ANKS1B: variants seen among roughly 807,000 people sequenced by gnomAD.
ANKS1B encodes the protein ankyrin repeat and sterile alpha motif domain containing 1B.
ANKS1B carries 36 observed loss-of-function variants against 148.3 expected under a neutral mutation model. The observed-to-expected ratio is 0.24, with a 90% CI of 0.19 to 0.32. ANKS1B has a LOEUF of 0.32. ANKS1B is among the 10% of genes least tolerant of loss of function. The pLI, the probability that ANKS1B is intolerant of heterozygous loss-of-function variation, is 1.00. For missense variants in ANKS1B, 1,157 were observed against 1,542.6 expected, an observed-to-expected ratio of 0.75 and a Z score of 4.19; for synonymous variants, 542 against 560.8, an observed-to-expected ratio of 0.97 and a Z score of 0.47.
chr12:99,921,030 C>A (rs1434741893), intron 1 of ANKS1B, among the ~76,000 whole-genome samples: 2 of 152,208 alleles, frequency 1.3e-5, no homozygotes, highest in Non-Finnish European at 2.9e-5. Context: ...ATCCTCTACA[C>A]AAATTTGGCT....
At chr12:99,514,338 A>G (rs2096794978) in intron 9 of ANKS1B, among the ~76,000 whole-genome samples, 1 of 152,084 alleles carries the variant, frequency 6.6e-6, no homozygotes, top group South Asian at 2.1e-4. Flanking sequence ...GTACGTATTT[A>G]ATAAACATTT....
chr12:99,684,532 TGTAAA>T (rs2098638931), intron 8 of ANKS1B, among the ~76,000 whole-genome samples: 1 of 151,768 alleles, frequency 6.6e-6, no homozygotes, highest in Non-Finnish European at 1.5e-5. Flanking sequence ...GTATCAATAT[TGTAAA>T]AATGACAAAT....
intron 10 of ANKS1B, among the ~76,000 whole-genome samples, chr12:99,466,496 A>G (rs1370494909): frequency 1.3e-5 from 2 of 151,898 alleles, no homozygotes; most frequent in Non-Finnish European, 2.9e-5. Context: ...TAATAAATCC[A>G]GGAGCTGGTT....
At chr12:99,075,744 T>C (rs946862100) in intron 16 of ANKS1B, among the ~76,000 whole-genome samples, 2 of 150,202 alleles carry the variant, frequency 1.3e-5, no homozygotes, top group African/African-American at 4.9e-5. Context: ...ATTTGTCTAT[T>C]GTATATAATT....
chr12:99,436,638 C>A (rs1594779049), intron 11 of ANKS1B, among the ~76,000 whole-genome samples: 1 of 152,048 alleles, frequency 6.6e-6, no homozygotes, highest in South Asian at 2.1e-4. Context: ...TTTTTTGTAA[C>A]CCCAGTTCTA....
At chr12:99,217,845 C>A (rs1362600367) in intron 14 of ANKS1B, among the ~76,000 whole-genome samples, 2 of 152,092 alleles carry the variant, frequency 1.3e-5, no homozygotes, top group Admixed American at 6.6e-5. Flanking sequence ...TGTATTATTC[C>A]CCTTATACAG....
At chr12:99,865,197 T>A (rs1603393964) in intron 1 of ANKS1B, among the ~76,000 whole-genome samples, 1 of 152,342 alleles carries the variant, frequency 6.6e-6, no homozygotes, top group East Asian at 1.9e-4. Flanking sequence ...CCAACTGAAA[T>A]ATGTTTTCCA....
Position 99,806,443 on chromosome 12 carries a change from C to T in ANKS1B, c.630G>A (p.Val210=). 1 of 1,613,982 alleles carries T rather than the reference C, an allele frequency of 6.2e-7. No individual in the cohort carries two copies. ...CCATTCCTGCCTCCAGCAGCACCTG[C>T]ACGACTGCTTTGTGGCCATTGCGCG... The part of the protein sequence containing the change: ...LAARNGHKAV[V]QVLLEAGMDV... The change falls in exon 4 of 27, where the codon GTG becomes GTA. Residue 210 remains valine (V), a synonymous_variant. Transcript: ENST00000683438.
At chr12:99,979,078 T>G (rs562841489) in intron 1 of ANKS1B, among the ~76,000 whole-genome samples, 1 of 152,176 alleles carries the variant, frequency 6.6e-6, no homozygotes, top group Non-Finnish European at 1.5e-5. Context: ...AGAGAGGTTT[T>G]TTTTTAAGAT....
intron 16 of ANKS1B, among the ~76,000 whole-genome samples, chr12:99,068,806 C>G (rs2045372110): frequency 6.6e-6 from 1 of 151,960 alleles, no homozygotes; most frequent in South Asian, 2.1e-4. Flanking sequence ...CTAGCAGGCA[C>G]AGGCAGCATC....
intron 14 of ANKS1B, among the ~76,000 whole-genome samples, chr12:99,174,976 T>C (rs1184982174): frequency 6.6e-6 from 1 of 152,174 alleles, no homozygotes; most frequent in Non-Finnish European, 1.5e-5. Context: ...AATGAAGGAA[T>C]TCTCTACTTC....
chr12:99,032,474 C>T (rs940007784), intron 17 of ANKS1B, among the ~76,000 whole-genome samples: 1 of 152,164 alleles, frequency 6.6e-6, no homozygotes, highest in African/African-American at 2.4e-5. Context: ...CGCCAATCTT[C>T]GTCTTGTCTT....
intron 1 of ANKS1B, among the ~76,000 whole-genome samples, chr12:99,928,944 A>G (rs1209089656): frequency 6.6e-6 from 1 of 152,170 alleles, no homozygotes; most frequent in Non-Finnish European, 1.5e-5. Flanking sequence ...GGAACTAGGG[A>G]GTGATAAGTA....
intron 17 of ANKS1B, among the ~76,000 whole-genome samples, chr12:98,884,805 C>CA (rs35160751): frequency 0.45 from 37,386 of 83,332 alleles, 7,195 homozygotes; most frequent in East Asian, 0.57. Flanking sequence ...GACTCCGTCT[C>CA]AAAAAAAAAA....
chr12:99,179,727 T>A (rs562286914), intron 14 of ANKS1B, among the ~76,000 whole-genome samples: 13 of 152,268 alleles, frequency 8.5e-5, no homozygotes, highest in African/African-American at 2.9e-4. Flanking sequence ...ATTAGGAAAA[T>A]CTGTAAAGTG....
At chr12:99,548,267 A>G (rs2097188344) in intron 9 of ANKS1B, among the ~76,000 whole-genome samples, 2 of 152,178 alleles carry the variant, frequency 1.3e-5, no homozygotes, top group South Asian at 4.1e-4. Context: ...AGACAGCAGC[A>G]TCTCCTTGCA....
chr12:99,596,221 T>C (rs556337544), intron 9 of ANKS1B, among the ~76,000 whole-genome samples: 8 of 152,044 alleles, frequency 5.3e-5, no homozygotes, highest in Admixed American at 5.2e-4. Flanking sequence ...AATCAAGATG[T>C]GAGTAGAACC....
intron 1 of ANKS1B, among the ~76,000 whole-genome samples, chr12:99,943,883 C>CATAGGTATACATAGGTATACATATA (rs2094984689): frequency 6.6e-6 from 1 of 151,976 alleles, no homozygotes; most frequent in African/African-American, 2.4e-5. Flanking sequence ...TATACATATG[C>CATAGGTATACATAGGTATACATATA]CATGGTGGTT....
intron 12 of ANKS1B, among the ~76,000 whole-genome samples, chr12:99,327,105 ATAT>A (rs2086481980): frequency 1.6e-5 from 2 of 128,446 alleles, no homozygotes; most frequent in Non-Finnish European, 3.1e-5. Flanking sequence ...ATATCAATAT[ATAT>A]TAATATAACT....
Sources: allele counts gnomAD v4.1 joint callset (sites outside exome capture counted in the v4.1 genomes callset), GRCh38; gene constraint gnomAD v4.1.1; transcripts MANE v1.5; gene names NCBI Gene and HGNC (gene_info 2026-07-23, HGNC 2026-07-21).